The following PDLIM1 variants were observed in gnomAD, a reference collection of about 807,000 sequenced individuals.
PDLIM1 encodes the protein PDZ and LIM domain 1.
Under a neutral mutation model 35.2 loss-of-function variants are expected in PDLIM1, and 25 were observed. The ratio of observed to expected loss-of-function variants is 0.71; its 90% confidence interval spans 0.52 to 0.99. PDLIM1 has a LOEUF of 0.99. Among genes scored for constraint, PDLIM1 ranks in the 50% least tolerant of loss-of-function variants. PDLIM1 has a pLI of 0.00. For synonymous variants in PDLIM1, 152 were observed against 154.0 expected (o/e 0.99, Z 0.10); for missense variants, 363 against 415.3 (o/e 0.87, Z 1.09).
At chr10:95,261,125 G>T (rs1247009547) in intron 4 of PDLIM1, among the ~76,000 whole-genome samples, 1 of 152,204 alleles carries the variant, frequency 6.6e-6, no homozygotes, top group Non-Finnish European at 1.5e-5. Context: ...GGGGCTAGAG[G>T]AAAGGCTTAA....
intron 5 of PDLIM1, among the ~76,000 whole-genome samples, chr10:95,240,760 C>T (rs2035171291): frequency 6.6e-6 from 1 of 152,054 alleles, no homozygotes; most frequent in African/African-American, 2.4e-5. Context: ...ACAATCATCT[C>T]CTACAGAGCA....
chr10:95,268,216 T>C (rs571985197), intron 3 of PDLIM1, among the ~76,000 whole-genome samples: 18 of 152,278 alleles, frequency 1.2e-4, no homozygotes, highest in Admixed American at 2.6e-4. Context: ...TTGTACACTA[T>C]GTACTGCTTT....
chr10:95,283,776 G>C (rs2035578590), intron 1 of PDLIM1, among the ~76,000 whole-genome samples: 1 of 152,168 alleles, frequency 6.6e-6, no homozygotes, highest in South Asian at 2.1e-4. Context: ...CTCACATACA[G>C]AGCACACCCA....
chr10:95,274,396 C>T (rs1193807516), intron 1 of PDLIM1, among the ~76,000 whole-genome samples: 3 of 150,682 alleles, frequency 2.0e-5, no homozygotes, highest in East Asian at 1.9e-4. Context: ...CGGGTTCAAG[C>T]GATTCTCCTG....
At chr10:95,238,988 C>A in intron 5 of PDLIM1, 6 of 216,674 alleles carry the variant, frequency 2.8e-5, no homozygotes, top group East Asian at 8.9e-5. Flanking sequence ...CTACAGTAAT[C>A]AAAACGACAT....
chr10:95,281,195 C>T (rs910130957), intron 1 of PDLIM1, among the ~76,000 whole-genome samples: 9 of 151,976 alleles, frequency 5.9e-5, no homozygotes, highest in Non-Finnish European at 1.0e-4. Flanking sequence ...AAGGGCAGAA[C>T]TTATACTCCT....
rs968918923 is a variant in PDLIM1 at position 95,290,625 on chromosome 10, C to A, written c.96+195G>T. Among the ~76,000 whole-genome samples the A allele has an allele frequency of 2.6e-5, 4 of 151,938 alleles. No individual in the cohort carries two copies. The highest frequency in any genetic ancestry group is 6.6e-5 in the Admixed American group (1 of 15,266). ...CGCGCCCGCGGCGGGCCGACCAGCCCGGGAGCGCAGCCTCCGCGAAGGGGC... is the reference window on the plus strand; with the variant it reads ...CGCGCCCGCGGCGGGCCGACCAGCCAGGGAGCGCAGCCTCCGCGAAGGGGC... On this transcript the variant is annotated intron_variant, in intron 1 of 6. Transcript: ENST00000329399. The surrounding 1 kb of genome is among the most constrained non-coding windows in gnomAD (Gnocchi z 4.7).
chr10:95,243,169 C>T (rs1174589798), intron 5 of PDLIM1, among the ~76,000 whole-genome samples: 1 of 152,180 alleles, frequency 6.6e-6, no homozygotes, highest in Admixed American at 6.5e-5. Context: ...GAGAAGGCTG[C>T]CTGCCCAACA....
intron 4 of PDLIM1, among the ~76,000 whole-genome samples, chr10:95,256,998 G>GAAAAGAAAAGAAAAGAAAAGA (rs368066745): frequency 2.4e-3 from 278 of 114,010 alleles, no homozygotes; most frequent in African/African-American, 3.7e-3. Context: ...AAGAAAGAAA[G>GAAAAGAAAAGAAAAGAAAAGA]AAAGAAAGAA....
intron 6 of PDLIM1, 133 bp downstream of exon 6, chr10:95,238,435 C>A: frequency 1.4e-6 from 1 of 696,792 alleles, no homozygotes; most frequent in Non-Finnish European, 2.6e-6. Flanking sequence ...ACCTTTCTGG[C>A]CTCTCTGTTG....
chr10:95,287,162 T>C (rs1055170346), intron 1 of PDLIM1, among the ~76,000 whole-genome samples: 3 of 152,182 alleles, frequency 2.0e-5, no homozygotes, highest in Non-Finnish European at 4.4e-5. Context: ...AAGTCAGCTG[T>C]GAGCAGCTGA....
chr10:95,287,033 T>C (rs2035608723), intron 1 of PDLIM1, among the ~76,000 whole-genome samples: 1 of 152,160 alleles, frequency 6.6e-6, no homozygotes, highest in Non-Finnish European at 1.5e-5. Flanking sequence ...ACCAGCAAGG[T>C]TGGCATCAGG....
At chr10:95,281,293 A>AG (rs34306298) in intron 1 of PDLIM1, among the ~76,000 whole-genome samples, 7 of 152,092 alleles carry the variant, frequency 4.6e-5, no homozygotes, top group South Asian at 4.2e-4. Flanking sequence ...AAAAAAAAAA[A>AG]TAGGCCAGGC....
rs1044377530 is a variant in PDLIM1 at position 95,238,968 on chromosome 10, T to C, written c.686-283A>G. On this transcript the variant is annotated intron_variant, in intron 5 of 6. Transcript: ENST00000329399. ...CATCATGCCACCCAAATTCAAACTA[T>C]ATTACAAGGCTACAGTAATCAAAAC... 12 of 307,528 alleles carry C rather than the reference T, an allele frequency of 3.9e-5. 1 individual carries two copies. In the Admixed American group the frequency reaches 5.1e-4, roughly 13 times the overall value. 19.0% of individuals were successfully genotyped at this position (307,528 alleles called of 1,614,324 possible).
In PDLIM1 at chr10:95,237,723, A is replaced by G. The variant is rs1380709435; in HGVS notation, c.*202T>C. The G allele has an allele frequency of 3.5e-6, 2 of 568,654 alleles. No individual in the cohort carries two copies. The highest frequency in any genetic ancestry group is 6.2e-6 in the Non-Finnish European group (2 of 320,608). 35.2% of individuals were successfully genotyped at this position (568,654 alleles called of 1,614,324 possible). A position where few individuals can be genotyped will look rare whatever the true frequency, so the allele number is the denominator to read the frequency against. On this transcript the variant is annotated 3_prime_UTR_variant, in exon 7 of 7. Transcript: ENST00000329399. ...TTGCTGACAAGGTGACACTGAACAA[A>G]ACAGTTTTCCTTTAATTGTAAAAGC...
intron 1 of PDLIM1, among the ~76,000 whole-genome samples, chr10:95,287,458 A>T (rs1213429537): frequency 6.6e-6 from 1 of 152,190 alleles, no homozygotes; most frequent in African/African-American, 2.4e-5. Flanking sequence ...AGCTCTTAGC[A>T]AAGGGTTCCC....
intron 1 of PDLIM1, among the ~76,000 whole-genome samples, chr10:95,276,481 G>T (rs1020450396): frequency 1.3e-5 from 2 of 152,194 alleles, no homozygotes; most frequent in Non-Finnish European, 2.9e-5. Flanking sequence ...TAACACAGAA[G>T]TGACAAGGGT....
intron 4 of PDLIM1, among the ~76,000 whole-genome samples, chr10:95,262,713 A>G (rs1250336862): frequency 6.6e-6 from 1 of 151,898 alleles, no homozygotes; most frequent in Non-Finnish European, 1.5e-5. Flanking sequence ...TTACACCTAC[A>G]GAGAATTGGC....
chr10:95,279,037 G>GT (rs531853883), intron 1 of PDLIM1, among the ~76,000 whole-genome samples: 3 of 151,884 alleles, frequency 2.0e-5, no homozygotes, highest in Non-Finnish European at 4.4e-5. Flanking sequence ...CAACAGTCTT[G>GT]TTTTTTTTCT....
Sources: gnomAD v4.1 joint callset for allele counts (sites outside exome capture counted in the v4.1 genomes callset) on GRCh38, gnomAD v4.1.1 for gene constraint, Gnocchi (gnomAD v3.1) non-coding constraint, MANE v1.5 for transcripts, NCBI Gene and HGNC (gene_info 2026-07-23, HGNC 2026-07-21) for gene names.